The following C8orf34 variants were observed in gnomAD, a reference collection of about 807,000 sequenced individuals.
C8orf34 encodes uncharacterized protein C8orf34.
A neutral mutation model predicts 68.3 loss-of-function variants in C8orf34; 65 were observed. The ratio of observed to expected loss-of-function variants is 0.95; its 90% CI spans 0.78 to 1.17. The LOEUF is 1.17. C8orf34 is among the 50% of genes most tolerant of loss of function. The probability of loss-of-function intolerance (pLI) is 0.00; values close to 1 mark genes in which losing one functional copy is unlikely to be tolerated. For missense variants in C8orf34, 664 were observed against 655.4 expected (o/e 1.01, Z -0.14); for synonymous variants, 244 against 241.2 (o/e 1.01, Z -0.11).
rs189407331 is a variant in C8orf34, at chr8:68,770,600, C to T, written c.1405-5799C>T. On this transcript the variant is annotated intron_variant, in intron 10 of 13. Transcript: ENST00000518698. The stretch of plus-strand genomic sequence containing the variant: ...CAACATCCACTGATAAAAGTCACCA[C>T]TCTTCCAAATATGGAGCCCCTTTTT... 2.0e-5 allele frequency among the ~76,000 whole-genome samples: 3 copies of T among 152,344 alleles called. No individual in the cohort carries two copies. The East Asian group carries it at 5.8e-4, about 29-fold the overall frequency.
chr8:68,662,223 A>T (rs1819700964), intron 8 of C8orf34, among the ~76,000 whole-genome samples: 1 of 152,098 alleles, frequency 6.6e-6, no homozygotes, highest in African/African-American at 2.4e-5. Context: ...CAGGTAATAA[A>T]AGTTGTCTGG....
chr8:68,397,149 G>A (rs1808751429), intron 1 of C8orf34, among the ~76,000 whole-genome samples: 1 of 151,936 alleles, frequency 6.6e-6, no homozygotes, highest in South Asian at 2.1e-4. Flanking sequence ...GGGATTATAG[G>A]AGCCTGCCAC....
Position 68,483,700 on chromosome 8 carries a change from C to A in C8orf34, c.737-4323C>A, listed in dbSNP as rs565959488. ...TGCTTTAGCCTGCGCACAGTGAGAC[C>A]TCTTTGGAGTTGAGAATAAATGGAA... On this transcript the variant is annotated intron_variant, in intron 4 of 13. Transcript: ENST00000518698. Among the ~76,000 whole-genome samples the A allele has an allele frequency of 5.7e-4, 87 of 152,214 alleles. 1 individual carries two copies. The highest frequency in any genetic ancestry group is 2.0e-3 in the African/African-American group (83 of 41,534).
intron 1 of C8orf34, among the ~76,000 whole-genome samples, chr8:68,421,321 T>C (rs1055485306): frequency 6.6e-6 from 1 of 152,236 alleles, no homozygotes; most frequent in African/African-American, 2.4e-5. Context: ...TGAATTTTCT[T>C]TTTATATCTC....
intron 1 of C8orf34, among the ~76,000 whole-genome samples, chr8:68,430,904 G>A (rs966549918): frequency 1.1e-4 from 16 of 152,066 alleles, no homozygotes; most frequent in Admixed American, 2.0e-4. Flanking sequence ...AACAAAATAG[G>A]AAGACACATT....
chr8:68,418,929 T>G (rs2129623219), intron 1 of C8orf34, among the ~76,000 whole-genome samples: 1 of 150,256 alleles, frequency 6.7e-6, no homozygotes, highest in Middle Eastern at 3.4e-3. Flanking sequence ...GGGCAAGGAC[T>G]TCATGTCTAA....
At chr8:68,657,349 T>C (rs1323034142) in intron 8 of C8orf34, among the ~76,000 whole-genome samples, 1 of 152,146 alleles carries the variant, frequency 6.6e-6, no homozygotes, top group Non-Finnish European at 1.5e-5. Flanking sequence ...GGAGCTCTCA[T>C]GCATGGAATT....
At chr8:68,731,198 T>C (rs973204044) in intron 10 of C8orf34, among the ~76,000 whole-genome samples, 13 of 152,134 alleles carry the variant, frequency 8.5e-5, no homozygotes, top group African/African-American at 2.4e-5. Context: ...GAAAACTACA[T>C]AGATTACATA....
intron 6 of C8orf34, among the ~76,000 whole-genome samples, chr8:68,528,705 C>T (rs1463938003): frequency 6.6e-6 from 1 of 152,242 alleles, no homozygotes; most frequent in African/African-American, 2.4e-5. Context: ...GCACCTGCCT[C>T]TGCCATTCAC....
chr8:68,339,418 A>G (rs1805981413), intron 1 of C8orf34, among the ~76,000 whole-genome samples: 1 of 152,006 alleles, frequency 6.6e-6, no homozygotes, highest in Non-Finnish European at 1.5e-5. Flanking sequence ...TGGTATTAAA[A>G]TATGAAATAC....
intron 10 of C8orf34, among the ~76,000 whole-genome samples, chr8:68,766,190 G>T (rs1048548190): frequency 6.6e-6 from 1 of 152,148 alleles, no homozygotes; most frequent in Non-Finnish European, 1.5e-5. Context: ...CATGAGAGAC[G>T]TAAAGTCCTT....
At chr8:68,456,927 G>T (rs1195588381) in intron 3 of C8orf34, among the ~76,000 whole-genome samples, 3 of 152,210 alleles carry the variant, frequency 2.0e-5, no homozygotes, top group African/African-American at 7.2e-5. Flanking sequence ...TGGAATGGTT[G>T]CAGATCATGA....
intron 3 of C8orf34, among the ~76,000 whole-genome samples, chr8:68,459,836 C>T (rs901045174): frequency 3.3e-5 from 5 of 152,168 alleles, no homozygotes; most frequent in South Asian, 4.1e-4. Flanking sequence ...GGAACAGCTC[C>T]GGTCTACAGC....
At chr8:68,419,471 T>C (rs1383943014) in intron 1 of C8orf34, among the ~76,000 whole-genome samples, 2 of 151,476 alleles carry the variant, frequency 1.3e-5, no homozygotes, top group Non-Finnish European at 2.9e-5. Context: ...AGCCATCCCA[T>C]TACTGGGTAT....
At chr8:68,468,659 T>C (rs1586203608) in intron 3 of C8orf34, 33 bp from the exon 4 acceptor site, 2 of 1,605,690 alleles carry the variant, frequency 1.2e-6, no homozygotes, top group East Asian at 4.5e-5. Flanking sequence ...TTATGTAGCA[T>C]GCTTATGAAA....
At chr8:68,647,517 C>A (rs562935536) in intron 8 of C8orf34, among the ~76,000 whole-genome samples, 58 of 152,280 alleles carry the variant, frequency 3.8e-4, no homozygotes, top group African/African-American at 1.3e-3. Context: ...CAGAGCCTGA[C>A]TGGAAGATGT....
At chr8:68,783,009 C>T (rs2129528840) in intron 11 of C8orf34, among the ~76,000 whole-genome samples, 1 of 150,058 alleles carries the variant, frequency 6.7e-6, no homozygotes, top group South Asian at 2.1e-4. Context: ...GAGGTCGAGG[C>T]TGCAGTGTGC....
At chr8:68,508,197 T>C (rs1814108494) in intron 5 of C8orf34, among the ~76,000 whole-genome samples, 1 of 152,252 alleles carries the variant, frequency 6.6e-6, no homozygotes, top group Non-Finnish European at 1.5e-5. Context: ...ACACTCATCA[T>C]ATGTAGCTAA....
intron 1 of C8orf34, among the ~76,000 whole-genome samples, chr8:68,415,584 G>C (rs986243429): frequency 6.6e-6 from 1 of 152,140 alleles, no homozygotes. Context: ...TTGCTCCACT[G>C]TGTGTAGATT....
Sources: gnomAD v4.1 joint callset for allele counts (sites outside exome capture counted in the v4.1 genomes callset) on GRCh38, gnomAD v4.1.1 for gene constraint, MANE v1.5 for transcripts, NCBI Gene and HGNC (gene_info 2026-07-23, HGNC 2026-07-21) for gene names.